The following ATP6V1A variants were observed in gnomAD, a reference collection of about 807,000 sequenced individuals.
ATP6V1A encodes the protein V-type proton ATPase catalytic subunit A.
A neutral mutation model predicts 70.1 loss-of-function variants in ATP6V1A; 18 were observed. That is an observed-to-expected ratio of 0.26 (90% confidence interval 0.18 to 0.38). The LOEUF is 0.38. ATP6V1A is among the 10% of genes least tolerant of loss of function. ATP6V1A has a pLI of 1.00. For synonymous variants in ATP6V1A, 232 were observed against 253.8 expected (o/e 0.91, Z 0.82); for missense variants, 424 against 772.4 (o/e 0.55, Z 5.35).
At position 113,763,625 on chromosome 3, in the gene ATP6V1A, G is replaced by A. The variant is rs184477989; in HGVS notation, c.-13-15116G>A. Reference sequence around the variant, plus strand: ...TTGAGGTTGGCAAGTCTCACTTCTCGTGTATATAAATATTGTACTGTATTT... The same window carrying A: ...TTGAGGTTGGCAAGTCTCACTTCTCATGTATATAAATATTGTACTGTATTT... On this transcript the variant is annotated intron_variant, in intron 1 of 14. Coordinates refer to ENST00000273398, the MANE Select transcript of ATP6V1A (RefSeq NM_001690.4). Among the ~76,000 whole-genome samples the A allele has an allele frequency of 7.9e-5, 12 of 152,114 alleles. No homozygotes were observed. In the East Asian group the frequency reaches 1.2e-3, roughly 15 times the overall value.
chr3:113,799,205 T>C (rs1396252592), intron 12 of ATP6V1A, among the ~76,000 whole-genome samples: 1 of 152,126 alleles, frequency 6.6e-6, no homozygotes, highest in African/African-American at 2.4e-5. Flanking sequence ...TATTAAATAT[T>C]AGTGTATGAG....
At chr3:113,750,326 A>T (rs944136218) in intron 1 of ATP6V1A, among the ~76,000 whole-genome samples, 4 of 152,184 alleles carry the variant, frequency 2.6e-5, no homozygotes, top group Admixed American at 6.5e-5. Flanking sequence ...TAAAAAAATT[A>T]AAAAAATTAG....
intron 1 of ATP6V1A, among the ~76,000 whole-genome samples, chr3:113,766,169 G>A (rs192537016): frequency 6.6e-6 from 1 of 152,238 alleles, no homozygotes; most frequent in East Asian, 1.9e-4. Flanking sequence ...TGGGAAGTCC[G>A]AGGTCAAGGT....
chr3:113,786,384 G>A lies in ATP6V1A; in HGVS notation c.716+1G>A, dbSNP rs755278709. 1.2e-6 allele frequency: 2 copies of A among 1,612,552 alleles called. No individual in the cohort carries two copies. Among genetic ancestry groups the A allele is most frequent in the Non-Finnish European group, 8.5e-7 (1 of 1,179,198 alleles). ...AGAGAGTCCTTGATGCCCTTTTTCC[G>A]TAAGTTTGAGATGTGTCCCACGATT... On this transcript the variant is annotated splice_donor_variant, in intron 6 of 14. Transcript: ENST00000273398. LOFTEE classifies it high-confidence loss of function.
At chr3:113,747,863 G>C (rs1473413601) in intron 1 of ATP6V1A, among the ~76,000 whole-genome samples, 1 of 152,180 alleles carries the variant, frequency 6.6e-6, no homozygotes. Flanking sequence ...AGGAGGCCCA[G>C]GCTGGTTTAG....
At chr3:113,769,120 A>G (rs1708805397) in intron 1 of ATP6V1A, among the ~76,000 whole-genome samples, 1 of 152,244 alleles carries the variant, frequency 6.6e-6, no homozygotes, top group Non-Finnish European at 1.5e-5. Flanking sequence ...CACATAAGCC[A>G]TTCTAATAGG....
At chr3:113,761,097 C>CTTTTCTTTTTTT (rs1294728741) in intron 1 of ATP6V1A, among the ~76,000 whole-genome samples, 3 of 150,946 alleles carry the variant, frequency 2.0e-5, no homozygotes, top group East Asian at 2.0e-4. Context: ...ATTTTCTTTT[C>CTTTTCTTTTTTT]TTTTCTTTTT....
chr3:113,808,287 C>CTTTTT (rs748064694), intron 14 of ATP6V1A, among the ~76,000 whole-genome samples: 6 of 89,804 alleles, frequency 6.7e-5, no homozygotes, highest in Non-Finnish European at 1.0e-4. Flanking sequence ...AAGTCTGTCT[C>CTTTTT]TTTTTTTTTT....
At position 113,800,394 on chromosome 3, in the gene ATP6V1A, A is replaced by G. The variant is rs1282722212; in HGVS notation, c.1494+1948A>G. Reference sequence around the variant, plus strand: ...AGGGGGAATACAAAACCATAATAATAAAAACAATGTGGTATTGGTAAAATA... The same window carrying G: ...AGGGGGAATACAAAACCATAATAATGAAAACAATGTGGTATTGGTAAAATA... On this transcript the variant is annotated intron_variant, in intron 12 of 14. Coordinates refer to ENST00000273398, the MANE Select transcript of ATP6V1A (RefSeq NM_001690.4). Among the ~76,000 whole-genome samples, 3 of 152,208 alleles carry G rather than the reference A, an allele frequency of 2.0e-5. No homozygotes were observed. The South Asian group carries it at 6.2e-4, about 32-fold the overall frequency.
At chr3:113,781,541 A>G (rs1186329680) in intron 3 of ATP6V1A, among the ~76,000 whole-genome samples, 1 of 152,148 alleles carries the variant, frequency 6.6e-6, no homozygotes, top group Non-Finnish European at 1.5e-5. Context: ...AAAATTGAGG[A>G]TTTAAGCCAA....
intron 1 of ATP6V1A, among the ~76,000 whole-genome samples, chr3:113,776,264 A>C (rs1708910814): frequency 6.8e-6 from 1 of 147,874 alleles, no homozygotes; most frequent in African/African-American, 2.5e-5. Flanking sequence ...TGGGGTGGGG[A>C]CGGGGGCGGC....
In ATP6V1A at chr3:113,781,069, G is replaced by T; in HGVS notation, c.102G>T (p.Met34Ile). The change falls in exon 3 of 15, where the codon ATG (methionine) becomes ATT (isoleucine). Residue 34 changes from methionine (M) to isoleucine (I), a missense_variant. Met to Ile is a conservative substitution (Grantham distance 10). Transcript: ENST00000273398. ...CTTCAGTGGTTACAGCCTGTGACATGGCGGGTGCAGCCATGTATGAGCTGG... is the reference window on the plus strand; with the variant it reads ...CTTCAGTGGTTACAGCCTGTGACATTGCGGGTGCAGCCATGTATGAGCTGG... Reference protein sequence around the residue: ...VSGPVVTACDMAGAAMYELVR... With the variant: ...VSGPVVTACDIAGAAMYELVR... 2 of 1,601,294 alleles carry T rather than the reference G, an allele frequency of 1.2e-6. No homozygotes were observed. The highest frequency in any genetic ancestry group is 2.2e-5 in the South Asian group (2 of 89,550).
In ATP6V1A at chr3:113,811,478, A is replaced by G. The variant is rs1709340648; in HGVS notation, c.*2051A>G. ...TTGCTTCCAAAGTGGCCTACTCAAG[A>G]GGCCCTAAGACTGGTAGAAATTAAA... On this transcript the variant is annotated 3_prime_UTR_variant, in exon 15 of 15. Coordinates refer to ENST00000273398, the MANE Select transcript of ATP6V1A (RefSeq NM_001690.4). 1 of 152,630 alleles carries G rather than the reference A, an allele frequency of 6.6e-6. No homozygotes were observed. Among genetic ancestry groups the G allele is most frequent in the South Asian group, 2.1e-4 (1 of 4,834 alleles). 9.5% of individuals were successfully genotyped at this position (152,630 alleles called of 1,614,324 possible).
intron 6 of ATP6V1A, among the ~76,000 whole-genome samples, chr3:113,787,203 C>A (rs1465931750): frequency 6.6e-6 from 1 of 152,158 alleles, no homozygotes; most frequent in East Asian, 1.9e-4. Flanking sequence ...CTGTAGTGTA[C>A]TCATAGCTCT....
rs747631097 is a variant in ATP6V1A, at chr3:113,781,113, A to T, written c.146A>T (p.Glu49Val). 1 of 1,613,728 alleles carries T rather than the reference A, an allele frequency of 6.2e-7. No homozygotes were observed. Among genetic ancestry groups the T allele is most frequent in the South Asian group, 1.1e-5 (1 of 91,056 alleles). The change falls in exon 3 of 15, where the codon GAA becomes GTA. Residue 49 changes from glutamate (E) to valine (V), a missense_variant. Coordinates refer to ENST00000273398, the MANE Select transcript of ATP6V1A (RefSeq NM_001690.4). ...MYELVRVGHSELVGEIIRLEG... is the reference protein window; with the variant it reads ...MYELVRVGHSVLVGEIIRLEG... Reference sequence around the variant, plus strand: ...GAGCTGGTGAGAGTGGGCCACAGCGAATTGGTTGGAGAGATTATTCGATTG... The same window carrying T: ...GAGCTGGTGAGAGTGGGCCACAGCGTATTGGTTGGAGAGATTATTCGATTG...
chr3:113,789,399 G>A (rs1425558220), intron 7 of ATP6V1A, among the ~76,000 whole-genome samples: 1 of 152,072 alleles, frequency 6.6e-6, no homozygotes, highest in Non-Finnish European at 1.5e-5. Context: ...TTATGGTCTG[G>A]TGGTTTTTAC....
chr3:113,793,164 G>A (rs578193220), intron 8 of ATP6V1A, among the ~76,000 whole-genome samples: 1 of 152,076 alleles, frequency 6.6e-6, no homozygotes, highest in African/African-American at 2.4e-5. Context: ...GATTCAAGCA[G>A]TTCTACAACC....
intron 1 of ATP6V1A, among the ~76,000 whole-genome samples, chr3:113,767,366 TG>T (rs1193622830): frequency 6.6e-6 from 1 of 152,144 alleles, no homozygotes; most frequent in Non-Finnish European, 1.5e-5. Flanking sequence ...AGATTACAGG[TG>T]TAAGCCACTG....
At chr3:113,748,962 T>G (rs1035290483) in intron 1 of ATP6V1A, among the ~76,000 whole-genome samples, 3 of 151,996 alleles carry the variant, frequency 2.0e-5, no homozygotes, top group Non-Finnish European at 4.4e-5. Flanking sequence ...AGTGACCAGG[T>G]GACATTGCAC....
Sources: gnomAD v4.1 joint callset for allele counts (sites outside exome capture counted in the v4.1 genomes callset) on GRCh38, gnomAD v4.1.1 for gene constraint, MANE v1.5 for transcripts, NCBI Gene and HGNC (gene_info 2026-07-23, HGNC 2026-07-21) for gene names.